ZNF506: variants seen among roughly 807,000 people sequenced by gnomAD.
ZNF506 encodes the protein zinc finger protein 506.
Under a neutral mutation model 11.6 loss-of-function variants are expected in ZNF506, and 10 were observed. The ratio of observed to expected loss-of-function variants is 0.86; its 90% CI spans 0.53 to 1.46. The LOEUF (loss-of-function observed/expected upper bound fraction) is 1.46. Ranked by LOEUF, ZNF506 falls within the 40% of genes most tolerant of loss-of-function variation. The pLI is 0.00. For missense variants in ZNF506, 425 were observed against 521.2 expected, an observed-to-expected ratio of 0.82 and a Z score of 1.80; for synonymous variants, 156 against 173.3, an observed-to-expected ratio of 0.90 and a Z score of 0.78.
Position 19,794,504 on chromosome 19 carries a change from A to G in ZNF506, c.*48T>C. On this transcript the variant is annotated 3_prime_UTR_variant, in exon 4 of 4. Transcript: ENST00000540806. ...TTAGTCAGAGTCCAGGGCTAGTTAA[A>G]GGCTTTCCCACATTCATCACATTCA... is the stretch of plus-strand genomic sequence containing the variant. 6.6e-7 allele frequency: 1 copy of G among 1,526,562 alleles called. No individual in the cohort carries two copies. The highest frequency in any genetic ancestry group is 8.8e-7 in the Non-Finnish European group (1 of 1,136,496). 94.6% of individuals were successfully genotyped at this position (1,526,562 alleles called of 1,614,324 possible). A position where few individuals can be genotyped will look rare whatever the true frequency, so the allele number is the denominator to read the frequency against.
chr19:19,821,527 C>A, intron 1 of ZNF506, 74 bp downstream of exon 1: 1 of 1,603,920 alleles, frequency 6.2e-7, no homozygotes, highest in South Asian at 1.1e-5. Context: ...GCCACTGCCA[C>A]AGCCACAGCC....
chr19:19,795,684 T>G, intron 3 of ZNF506, 24 bp from the exon 4 acceptor site: 1 of 1,481,286 alleles, frequency 6.8e-7, no homozygotes, highest in Non-Finnish European at 8.9e-7. Flanking sequence ...TAAAAACACA[T>G]GACTTCAATT....
intron 1 of ZNF506, among the ~76,000 whole-genome samples, chr19:19,818,383 A>C (rs886822262): frequency 1.3e-5 from 2 of 152,208 alleles, no homozygotes; most frequent in Non-Finnish European, 2.9e-5. Flanking sequence ...TTGACGATCT[A>C]TATAACTCAT....
rs756773216 is a variant in ZNF506, at chr19:19,795,587, T to C, written c.300A>G (p.Leu100=). Residue 100 remains leucine, a synonymous_variant, in exon 4 of 4, where the codon CTA becomes CTG. Transcript: ENST00000540806. ...CATGTCTACATTTTTCATATCTTCT[T>C]AGTATCACTTTTTGGAAAGAATCTT... ...SIKDSFQKVI[L]RRYEKCRHDN... The C allele has an allele frequency of 1.3e-6, 2 of 1,572,332 alleles. No individual in the cohort carries two copies. Among genetic ancestry groups the C allele is most frequent in the Admixed American group, 2.0e-5 (1 of 49,848 alleles).
At chr19:19,805,013 C>T (rs1420858545) in intron 3 of ZNF506, among the ~76,000 whole-genome samples, 2 of 152,048 alleles carry the variant, frequency 1.3e-5, no homozygotes, top group Non-Finnish European at 2.9e-5. Context: ...AGCAAACCAA[C>T]ATGGCACATG....
intron 1 of ZNF506, chr19:19,820,546 T>G (rs552758992): frequency 2.6e-4 from 40 of 152,118 alleles, no homozygotes; most frequent in African/African-American, 9.6e-4. Flanking sequence ...TACAAAAAAT[T>G]AGGCGGGCGT....
In ZNF506 at chr19:19,807,036, T is replaced by A; in HGVS notation, c.36A>T (p.Glu12Asp). ...GPLQFRDVAI[E>D]FSLEEWHCLD... ...GGCAATGCCACTCCTCCAGAGAGAATTCTATGGCCACATCTCTAAATTGCA... is the reference window on the plus strand; with the variant it reads ...GGCAATGCCACTCCTCCAGAGAGAAATCTATGGCCACATCTCTAAATTGCA... The change falls in exon 2 of 4, where the codon GAA (glutamate) becomes GAT (aspartate). Residue 12 changes from glutamate (E) to aspartate (D), a missense_variant. Glu to Asp is a conservative substitution (Grantham distance 45). This residue lies in a region of ZNF506 where 226 missense variants were observed against 279.1 expected (regional missense o/e 0.81). Transcript: ENST00000540806. The A allele has an allele frequency of 6.2e-7, 1 of 1,614,056 alleles. No individual in the cohort carries two copies. The highest frequency in any genetic ancestry group is 1.1e-5 in the South Asian group (1 of 91,074).
chr19:19,795,504 CTT>C lies in ZNF506; in HGVS notation c.381_382del (p.Gly129LeufsTer2). 1 of 1,599,022 alleles carries C rather than the reference CTT, an allele frequency of 6.3e-7. No individual in the cohort carries two copies. Among genetic ancestry groups the C allele is most frequent in the Non-Finnish European group, 8.5e-7 (1 of 1,174,708 alleles). ...ACATTGTTTAAGTCCATTATAACCT[CTT>C]TTGTGCACTGGACACTCATCTACAC... On this transcript the variant is annotated frameshift_variant, in exon 4 of 4. Coordinates refer to ENST00000540806, the MANE Select transcript of ZNF506 (RefSeq NM_001099269.3). LOFTEE classifies it low-confidence loss of function (END_TRUNC).
At position 19,806,880 on chromosome 19, in the gene ZNF506, C is replaced by CA. The variant is rs2062839458; in HGVS notation, c.130+61dup. The CA allele has an allele frequency of 5.2e-6, 8 of 1,550,962 alleles. No homozygotes were observed. In the South Asian group the frequency reaches 7.3e-5, roughly 14 times the overall value. Reference sequence around the variant, plus strand: ...GAATAAATTACTAAAAAACATTCTACAAAAAAGAGAAATAAAACCTTTAGA... The same window carrying CA: ...GAATAAATTACTAAAAAACATTCTACAAAAAAAGAGAAATAAAACCTTTAGA... On this transcript the variant is annotated intron_variant, in intron 2 of 3. Transcript: ENST00000540806.
Position 19,799,554 on chromosome 19 carries a change from A to G in ZNF506, c.227-3894T>C, listed in dbSNP as rs865787306. On this transcript the variant is annotated intron_variant, in intron 3 of 3. Transcript: ENST00000540806. ...ATTAGAGTATAAGACAATAATATAA[A>G]TAATTGATAAATTTTCAAATATATA... 4.6e-5 allele frequency: 24 copies of G among 520,536 alleles called. No homozygotes were observed. The Middle Eastern group carries it at 1.4e-3, about 31-fold the overall frequency. 32.2% of individuals were successfully genotyped at this position (520,536 alleles called of 1,614,324 possible).
intron 2 of ZNF506, 106 bp downstream of exon 2, chr19:19,806,836 T>A: frequency 7.4e-7 from 1 of 1,348,654 alleles, no homozygotes; most frequent in Non-Finnish European, 9.9e-7. Context: ...AAAGGAGATC[T>A]GAAACTCTTG....
chr19:19,811,339 T>C (rs1161802982), intron 1 of ZNF506, among the ~76,000 whole-genome samples: 5 of 152,230 alleles, frequency 3.3e-5, no homozygotes, highest in Middle Eastern at 3.4e-3. Flanking sequence ...TTGGTATTAT[T>C]AGTAGAGATG....
intron 3 of ZNF506, among the ~76,000 whole-genome samples, chr19:19,805,598 T>C (rs1485738606): frequency 6.6e-6 from 1 of 151,264 alleles, no homozygotes; most frequent in Non-Finnish European, 1.5e-5. Flanking sequence ...AACAGAAAAA[T>C]GAACAAAAAA....
intron 1 of ZNF506, among the ~76,000 whole-genome samples, chr19:19,809,709 CT>C (rs1016286582): frequency 2.6e-5 from 4 of 152,120 alleles, no homozygotes; most frequent in African/African-American, 9.7e-5. Flanking sequence ...CCCAGGTGCC[CT>C]CCCCTGCCAC....
At chr19:19,812,607 C>G (rs1313963359) in intron 1 of ZNF506, among the ~76,000 whole-genome samples, 1 of 152,186 alleles carries the variant, frequency 6.6e-6, no homozygotes, top group Non-Finnish European at 1.5e-5. Context: ...TGAAACATCT[C>G]AAAGAGCCAC....
Position 19,794,821 on chromosome 19 carries a change from G to A in ZNF506, c.1066C>T (p.Leu356Phe), listed in dbSNP as rs2062724781. 3.1e-6 allele frequency: 5 copies of A among 1,613,768 alleles called. No individual in the cohort carries two copies. Among genetic ancestry groups the A allele is most frequent in the Admixed American group, 1.7e-5 (1 of 59,984 alleles). ...CGKTFTWYSS[L>F]SKHKRAHTGE... ...GTATGAGCTCTCTTATGTTTAGAGA[G>A]GCTTGAGTACCAGGTAAAGGTTTTG... is the stretch of plus-strand genomic sequence containing the variant. Residue 356 changes from leucine to phenylalanine, a missense_variant, in exon 4 of 4, where the codon CTC (leucine) becomes TTC (phenylalanine). Physicochemically the swap from Leu to Phe is conservative, Grantham distance 22. Coordinates refer to ENST00000540806, the MANE Select transcript of ZNF506 (RefSeq NM_001099269.3).
Position 19,794,720 on chromosome 19 carries a change from T to A in ZNF506, c.1167A>T (p.Ile389=), listed in dbSNP as rs745989120. ...TAFSTLTEHK[I]IHTGEKPYKC... ...TGTACGGTTTCTCTCCAGTATGAATTATCTTATGTTCAGTTAGAGTTGAGA... is the reference window on the plus strand; with the variant it reads ...TGTACGGTTTCTCTCCAGTATGAATAATCTTATGTTCAGTTAGAGTTGAGA... Residue 389 remains isoleucine, a synonymous_variant, in exon 4 of 4, where the codon ATA becomes ATT. Coordinates refer to ENST00000540806, the MANE Select transcript of ZNF506 (RefSeq NM_001099269.3). 9 of 1,613,842 alleles carry A rather than the reference T, an allele frequency of 5.6e-6. No individual in the cohort carries two copies. In the African/African-American group the frequency reaches 1.2e-4, roughly 22 times the overall value.
At chr19:19,816,303 C>T (rs1273659432) in intron 1 of ZNF506, among the ~76,000 whole-genome samples, 1 of 151,990 alleles carries the variant, frequency 6.6e-6, no homozygotes, top group Admixed American at 6.6e-5. Context: ...CCTCCCTCAG[C>T]TTCCCGAGTC....
chr19:19,816,523 A>T (rs931560442), intron 1 of ZNF506, among the ~76,000 whole-genome samples: 1 of 152,024 alleles, frequency 6.6e-6, no homozygotes, highest in East Asian at 1.9e-4. Context: ...ACGCCTGGCT[A>T]ATTTTTTTGT....
Sources: gnomAD v4.1 joint callset for allele counts (sites outside exome capture counted in the v4.1 genomes callset) on GRCh38, gnomAD v4.1.1 for gene constraint, gnomAD v4.1.1 regional missense constraint, MANE v1.5 for transcripts, NCBI Gene and HGNC (gene_info 2026-07-23, HGNC 2026-07-21) for gene names.